MAP3K20: variants seen among roughly 807,000 people sequenced by gnomAD.
MAP3K20 encodes the protein mitogen-activated protein kinase kinase kinase 20.
Under a neutral mutation model 85.7 loss-of-function variants are expected in MAP3K20, and 40 were observed. The observed-to-expected ratio is 0.47, with a 90% CI of 0.36 to 0.61. MAP3K20 has a LOEUF of 0.61. MAP3K20 is among the 20% of genes least tolerant of loss of function. The probability of loss-of-function intolerance (pLI) is 0.00; values close to 1 mark genes in which losing one functional copy is unlikely to be tolerated. For synonymous variants in MAP3K20, 325 were observed against 327.7 expected, an observed-to-expected ratio of 0.99 and a Z score of 0.09; for missense variants, 817 against 961.7, an observed-to-expected ratio of 0.85 and a Z score of 1.99.
intron 11 of MAP3K20, chr2:173,222,837 C>T (rs1003707875): frequency 2.0e-6 from 2 of 985,236 alleles, no homozygotes; most frequent in Admixed American, 6.2e-5. Flanking sequence ...CAAGGATATT[C>T]TCAGAATGTT....
In MAP3K20 at chr2:173,168,452, A is replaced by G. The variant is rs1251656784; in HGVS notation, c.160-1353A>G. ...CGACCCTCAAACTTGTTTTCCACCT[A>G]GTTACACCACCTTCAAAACCAGTTT... On this transcript the variant is annotated intron_variant, in intron 2 of 19. Coordinates refer to ENST00000375213, the MANE Select transcript of MAP3K20 (RefSeq NM_016653.3). Among the ~76,000 whole-genome samples, 6 of 152,168 alleles carry G rather than the reference A, an allele frequency of 3.9e-5. No homozygotes were observed. The East Asian group carries it at 1.2e-3, about 29-fold the overall frequency.
At chr2:173,168,506 C>G (rs1689903822) in intron 2 of MAP3K20, among the ~76,000 whole-genome samples, 1 of 152,172 alleles carries the variant, frequency 6.6e-6, no homozygotes, top group Non-Finnish European at 1.5e-5. Context: ...AATCCCAACT[C>G]TTATCCTATG....
At chr2:173,212,054 T>C (rs994632352) in intron 10 of MAP3K20, 1 of 152,156 alleles carries the variant, frequency 6.6e-6, no homozygotes, top group Non-Finnish European at 1.5e-5. Flanking sequence ...CCGTAAATAT[T>C]TGGGGAAGCA....
intron 2 of MAP3K20, among the ~76,000 whole-genome samples, chr2:173,137,318 A>G (rs920930712): frequency 9.9e-5 from 15 of 152,220 alleles, no homozygotes; most frequent in Non-Finnish European, 2.1e-4. Flanking sequence ...ATTATGGCTT[A>G]TTAGATCTTT....
At chr2:173,081,998 G>C (rs889075597) in intron 1 of MAP3K20, among the ~76,000 whole-genome samples, 4 of 151,366 alleles carry the variant, frequency 2.6e-5, no homozygotes, top group African/African-American at 9.7e-5. Flanking sequence ...TTTCTTGTTG[G>C]CCAACTCTAA....
chr2:173,226,227 C>T (rs957219003), intron 11 of MAP3K20: 6 of 985,182 alleles, frequency 6.1e-6, no homozygotes, highest in African/African-American at 5.2e-5. Context: ...AGAATGACCT[C>T]CCAGAATTAC....
At chr2:173,225,783 G>T (rs1485633189) in intron 11 of MAP3K20, 2 of 984,886 alleles carry the variant, frequency 2.0e-6, no homozygotes, top group East Asian at 2.3e-4. Context: ...GAGTTTCGTG[G>T]CTTTATCTTA....
At chr2:173,229,249 T>G (rs762246063) in intron 11 of MAP3K20, among the ~76,000 whole-genome samples, 3 of 152,238 alleles carry the variant, frequency 2.0e-5, no homozygotes, top group Non-Finnish European at 4.4e-5. Context: ...ATGAGATCTT[T>G]CAACACTTAG....
intron 12 of MAP3K20, among the ~76,000 whole-genome samples, chr2:173,230,557 G>C (rs552082407): frequency 6.6e-5 from 10 of 152,304 alleles, no homozygotes; most frequent in Non-Finnish European, 1.3e-4. Flanking sequence ...CTATGTTTTT[G>C]AGAGGCTGCA....
chr2:173,177,965 A>G (rs1213307845), intron 3 of MAP3K20, among the ~76,000 whole-genome samples: 1 of 152,156 alleles, frequency 6.6e-6, no homozygotes, highest in Non-Finnish European at 1.5e-5. Flanking sequence ...CAATGAAAGG[A>G]AATAATAAAG....
At chr2:173,217,341 C>T in intron 11 of MAP3K20, 91 bp downstream of exon 11, 1 of 1,326,046 alleles carries the variant, frequency 7.5e-7, no homozygotes, top group East Asian at 2.9e-5. Context: ...CCCTGCCTCC[C>T]GCCGCCCCCT....
intron 1 of MAP3K20, among the ~76,000 whole-genome samples, chr2:173,078,865 T>C (rs898224693): frequency 4.6e-5 from 7 of 152,206 alleles, no homozygotes; most frequent in Non-Finnish European, 8.8e-5. Flanking sequence ...AAAACAATGA[T>C]ATGACTTTGG....
At chr2:173,108,084 A>T (rs759778282) in intron 2 of MAP3K20, among the ~76,000 whole-genome samples, 1 of 152,022 alleles carries the variant, frequency 6.6e-6, no homozygotes, top group Non-Finnish European at 1.5e-5. Flanking sequence ...CCAGACAACA[A>T]TATTTTGTCA....
intron 1 of MAP3K20, among the ~76,000 whole-genome samples, chr2:173,087,800 T>C (rs945834873): frequency 6.6e-6 from 1 of 152,012 alleles, no homozygotes; most frequent in African/African-American, 2.4e-5. Context: ...GATATACAGA[T>C]TCTCAAAAAA....
At chr2:173,229,591 C>G in intron 11 of MAP3K20, 98 bp from the exon 12 acceptor site, 1 of 1,522,574 alleles carries the variant, frequency 6.6e-7, no homozygotes, top group South Asian at 1.2e-5. Flanking sequence ...CAAGCCAGAG[C>G]AGCAGCTGAG....
At chr2:173,222,428 T>C in intron 11 of MAP3K20, 1 of 985,740 alleles carries the variant, frequency 1.0e-6, no homozygotes, top group Non-Finnish European at 1.2e-6. Context: ...TTGCAAACTT[T>C]CATACCACTG....
At chr2:173,234,211 G>T (rs1684593357) in intron 14 of MAP3K20, among the ~76,000 whole-genome samples, 1 of 152,206 alleles carries the variant, frequency 6.6e-6, no homozygotes, top group Non-Finnish European at 1.5e-5. Flanking sequence ...TTCGGAGGAA[G>T]GGTGGTGAGC....
chr2:173,226,166 C>A, intron 11 of MAP3K20: 1 of 906,220 alleles, frequency 1.1e-6, no homozygotes. Context: ...AAACTTGATC[C>A]CCATTAAAAA....
At chr2:173,189,060 TAGGAACACACATAC>T (rs1387190155) in intron 5 of MAP3K20, among the ~76,000 whole-genome samples, 3 of 152,298 alleles carry the variant, frequency 2.0e-5, no homozygotes, top group Admixed American at 6.5e-5. Flanking sequence ...AGTTACTAAA[TAGGAACACACATAC>T]ACTGATATTG....
Sources: gnomAD v4.1 joint callset for allele counts (sites outside exome capture counted in the v4.1 genomes callset) on GRCh38, gnomAD v4.1.1 for gene constraint, MANE v1.5 for transcripts, NCBI Gene and HGNC (gene_info 2026-07-23, HGNC 2026-07-21) for gene names.